The following RASGRP1 variants were observed in gnomAD, a reference collection of about 807,000 sequenced individuals.
RASGRP1 encodes the protein RAS guanyl releasing protein 1, also known as RAS guanyl-releasing protein 1.
RASGRP1 carries 37 observed loss-of-function variants against 95.1 expected under a neutral mutation model. The ratio of observed to expected loss-of-function variants is 0.39; its 90% CI spans 0.30 to 0.51. The LOEUF (loss-of-function observed/expected upper bound fraction) is 0.51. Ranked by LOEUF, RASGRP1 falls within the 20% of genes least tolerant of loss-of-function variation. RASGRP1 has a pLI of 0.80. For missense variants in RASGRP1, 711 were observed against 965.4 expected, an observed-to-expected ratio of 0.74 and a Z score of 3.49; for synonymous variants, 325 against 353.4, an observed-to-expected ratio of 0.92 and a Z score of 0.90.
In RASGRP1 at chr15:38,494,466, G is replaced by T; in HGVS notation, c.2175C>A (p.Val725=). Residue 725 remains valine (V), a synonymous_variant, in exon 16 of 17, where the codon GTC becomes GTA. Transcript: ENST00000310803. ...SPVLVRKRAF[V]KWENKDSLIK... ...TGAGGGAGTCTTTATTCTCCCACTT[G>T]ACAAAAGCCCGCTTTCTGACCAAGA... 6.2e-7 allele frequency: 1 copy of T among 1,611,842 alleles called. No homozygotes were observed. Among genetic ancestry groups the T allele is most frequent in the South Asian group, 1.1e-5 (1 of 90,400 alleles).
Position 38,498,909 on chromosome 15 carries a change from C to T in RASGRP1, c.1758G>A (p.Leu586=). 1 of 1,613,972 alleles carries T rather than the reference C, an allele frequency of 6.2e-7. No individual in the cohort carries two copies. Among genetic ancestry groups the T allele is most frequent in the East Asian group, 2.2e-5 (1 of 44,884 alleles). The change falls in exon 15 of 17, where the codon CTG becomes CTA. Residue 586 remains leucine, a synonymous_variant. Coordinates refer to ENST00000310803, the MANE Select transcript of RASGRP1 (RefSeq NM_005739.4). ...CTCGCTTCTTACACTCAAACACAAC[C>T]AGATCTTTGCATTGTTTGTGACAGT... ...GMNCHKQCKD[L]VVFECKKRAK... is the part of the protein sequence containing the mutation.
At chr15:38,543,971 G>C (rs1376969788) in intron 2 of RASGRP1, among the ~76,000 whole-genome samples, 4 of 151,932 alleles carry the variant, frequency 2.6e-5, no homozygotes, top group African/African-American at 9.7e-5. Flanking sequence ...TTTATTACAT[G>C]CTGGGCATTG....
intron 16 of RASGRP1, among the ~76,000 whole-genome samples, chr15:38,492,388 G>A (rs1012593205): frequency 6.6e-6 from 1 of 152,080 alleles, no homozygotes; most frequent in Admixed American, 6.5e-5. Context: ...CAGTTTCTGG[G>A]GGTCTGACAG....
chr15:38,508,612 T>A (rs1891362298), intron 8 of RASGRP1, among the ~76,000 whole-genome samples: 1 of 152,162 alleles, frequency 6.6e-6, no homozygotes, highest in African/African-American at 2.4e-5. Context: ...ATTCACAGAC[T>A]AAAACCTTGA....
At chr15:38,557,292 A>G (rs547740808) in intron 2 of RASGRP1, among the ~76,000 whole-genome samples, 2 of 152,200 alleles carry the variant, frequency 1.3e-5, no homozygotes, top group Non-Finnish European at 2.9e-5. Flanking sequence ...ATAACCAAAG[A>G]GCAAGAAGAG....
chr15:38,551,923 T>C (rs1893355423), intron 2 of RASGRP1, among the ~76,000 whole-genome samples: 3 of 152,228 alleles, frequency 2.0e-5, no homozygotes. Flanking sequence ...ACACCAGTAG[T>C]GCCTGTTACC....
Position 38,515,836 on chromosome 15 carries a change from A to C in RASGRP1, c.675+361T>G, listed in dbSNP as rs147297143. ...TAAAAAGAGTTGTTGAAGCCTAATG[A>C]TTATCAGGGGTATGAGGATTATCAG... is the stretch of plus-strand genomic sequence containing the variant. On this transcript the variant is annotated intron_variant, in intron 6 of 16. Coordinates refer to ENST00000310803, the MANE Select transcript of RASGRP1 (RefSeq NM_005739.4). 1.2e-3 allele frequency among the ~76,000 whole-genome samples: 159 copies of C among 134,328 alleles called. 1 individual carries two copies. The East Asian group carries it at 0.036, about 31-fold the overall frequency. 88.1% of individuals were successfully genotyped at this position (134,328 alleles called of 152,430 possible). A position where few individuals can be genotyped will look rare whatever the true frequency, so the allele number is the denominator to read the frequency against.
rs756511667 is a variant in RASGRP1, at chr15:38,516,236, G to A, written c.636C>T (p.His212=). 1.9e-5 allele frequency: 31 copies of A among 1,602,072 alleles called. No homozygotes were observed. The highest frequency in any genetic ancestry group is 1.7e-4 in the Middle Eastern group (1 of 6,058). The change falls in exon 6 of 17, where the codon CAC becomes CAT. Residue 212 remains histidine (H), a synonymous_variant. Coordinates refer to ENST00000310803, the MANE Select transcript of RASGRP1 (RefSeq NM_005739.4). ...DHLEPEELSE[H]LTYLEFKSFR... is the part of the protein sequence containing the mutation. ...AAGACTTGAACTCAAGGTAGGTGAG[G>A]TGCTCGGATAGCTCTTCTGGTTCCA...
chr15:38,526,306 T>A lies in RASGRP1; in HGVS notation c.319A>T (p.Ile107Phe), dbSNP rs1261043638. ...CACTATGTTAAAGGATATAGGGTGA[T>A]AACTTTTTGGAGCAGTTCTGCAGAG... The part of the protein sequence containing the change: ...ISSAELLQKV[I>F]TLYKDALAKN... Residue 107 changes from isoleucine to phenylalanine, a missense_variant, in exon 3 of 17, where the codon ATC becomes TTC. Around this residue, in one of 3 missense-constraint regions of RASGRP1, gnomAD observed 491 missense variants for 676.6 expected, o/e 0.73. Coordinates refer to ENST00000310803, the MANE Select transcript of RASGRP1 (RefSeq NM_005739.4). 1.8e-5 allele frequency: 29 copies of A among 1,612,238 alleles called. No homozygotes were observed. Among genetic ancestry groups the A allele is most frequent in the Non-Finnish European group, 2.4e-5 (28 of 1,178,582 alleles).
chr15:38,546,127 C>A (rs748908215), intron 2 of RASGRP1, among the ~76,000 whole-genome samples: 34 of 152,232 alleles, frequency 2.2e-4, no homozygotes, highest in Non-Finnish European at 4.1e-4. Flanking sequence ...TAACACTTAA[C>A]AAGTCTATAC....
intron 1 of RASGRP1, among the ~76,000 whole-genome samples, chr15:38,561,618 T>C (rs954243824): frequency 6.6e-6 from 1 of 152,230 alleles, no homozygotes; most frequent in Non-Finnish European, 1.5e-5. Flanking sequence ...GGCCACTCAG[T>C]ACACAGCTAG....
intron 16 of RASGRP1, among the ~76,000 whole-genome samples, chr15:38,492,055 C>A (rs369962723): frequency 6.6e-6 from 1 of 152,196 alleles, no homozygotes; most frequent in Non-Finnish European, 1.5e-5. Context: ...AAACACAAAT[C>A]TTTGCCTCCA....
At chr15:38,560,828 G>A (rs1173934703) in intron 1 of RASGRP1, among the ~76,000 whole-genome samples, 1 of 152,134 alleles carries the variant, frequency 6.6e-6, no homozygotes, top group African/African-American at 2.4e-5. Context: ...AGTGTAAAAG[G>A]GCAAGTTTGG....
chr15:38,499,044 T>C (rs1303756543), intron 14 of RASGRP1, 98 bp from the exon 15 acceptor site: 1 of 1,479,406 alleles, frequency 6.8e-7, no homozygotes, highest in Non-Finnish European at 9.4e-7. Flanking sequence ...TTGTCACACA[T>C]GTCTGTTCTA....
rs370958079 is a variant in RASGRP1 at position 38,490,318 on chromosome 15, TG to T, written c.*235del. ...ATCGCATACTTTTGATGAACATCAGTGGTATGAATAGCAAAAGTTTTGCATT... is the reference window on the plus strand; with the variant it reads ...ATCGCATACTTTTGATGAACATCAGTGTATGAATAGCAAAAGTTTTGCATT... On this transcript the variant is annotated 3_prime_UTR_variant, in exon 17 of 17. Transcript: ENST00000310803. 7.6e-4 allele frequency: 265 copies of T among 347,808 alleles called. No homozygotes were observed. The highest frequency in any genetic ancestry group is 4.6e-3 in the African/African-American group (220 of 47,440). 21.5% of individuals were successfully genotyped at this position (347,808 alleles called of 1,614,324 possible).
chr15:38,507,923 C>T lies in RASGRP1; in HGVS notation c.1045G>A (p.Asp349Asn), dbSNP rs565898524. 15 of 1,613,104 alleles carry T rather than the reference C, an allele frequency of 9.3e-6. No homozygotes were observed. The highest frequency in any genetic ancestry group is 6.7e-5 in the East Asian group (3 of 44,778). ...NYRRAYGECTDFKIPILGVHL... is the reference protein window; with the variant it reads ...NYRRAYGECTNFKIPILGVHL... ...ACACCCAGAATGGGGATCTTGAAGT[C>T]GGTGCACTCTCCATAGGCTCGCCGG... is the stretch of plus-strand genomic sequence containing the variant. Residue 349 changes from aspartate to asparagine, a missense_variant, in exon 9 of 17, where the codon GAC becomes AAC. Physicochemically the swap from Asp to Asn is conservative, Grantham distance 23. Coordinates refer to ENST00000310803, the MANE Select transcript of RASGRP1 (RefSeq NM_005739.4).
intron 8 of RASGRP1, 78 bp from the exon 9 acceptor site, chr15:38,508,079 C>T: frequency 6.9e-7 from 1 of 1,455,338 alleles, no homozygotes; most frequent in Non-Finnish European, 9.2e-7. Flanking sequence ...TGCATGTTTG[C>T]ATCCTGTGCC....
intron 2 of RASGRP1, among the ~76,000 whole-genome samples, chr15:38,556,235 T>A (rs2141193340): frequency 6.6e-6 from 1 of 152,354 alleles, no homozygotes; most frequent in South Asian, 2.1e-4. Flanking sequence ...GTGGGTTGTT[T>A]CATGGTTAAA....
intron 2 of RASGRP1, among the ~76,000 whole-genome samples, chr15:38,543,998 A>T (rs1893011765): frequency 6.6e-6 from 1 of 152,116 alleles, no homozygotes; most frequent in Non-Finnish European, 1.5e-5. Context: ...CAATATTGAT[A>T]ATTTGAATTA....
Sources: allele counts gnomAD v4.1 joint callset (sites outside exome capture counted in the v4.1 genomes callset), GRCh38; gene constraint gnomAD v4.1.1; regional missense constraint gnomAD v4.1.1; transcripts MANE v1.5; gene names NCBI Gene and HGNC (gene_info 2026-07-23, HGNC 2026-07-21).